Variants in KLHL1 observed in about 807,000 individuals in gnomAD.
KLHL1 encodes kelch-like protein 1.
Under a neutral mutation model 77.7 loss-of-function variants are expected in KLHL1, and 47 were observed. The ratio of observed to expected loss-of-function variants is 0.60; its 90% confidence interval spans 0.48 to 0.77. KLHL1 has a LOEUF of 0.77. KLHL1 is among the 30% of genes least tolerant of loss of function. The pLI, the probability that KLHL1 is intolerant of heterozygous loss-of-function variation, is 0.00. For missense variants in KLHL1, 925 were observed against 910.8 expected, an observed-to-expected ratio of 1.02 and a Z score of -0.20; for synonymous variants, 360 against 325.2, an observed-to-expected ratio of 1.11 and a Z score of -1.15.
intron 1 of KLHL1, among the ~76,000 whole-genome samples, chr13:69,994,318 G>T (rs1348036926): frequency 6.6e-6 from 1 of 152,072 alleles, no homozygotes; most frequent in East Asian, 1.9e-4. Flanking sequence ...ACAAAGCCAA[G>T]AAACTTGAAC....
intron 7 of KLHL1, among the ~76,000 whole-genome samples, chr13:69,782,308 G>A (rs535347021): frequency 6.6e-6 from 1 of 152,344 alleles, no homozygotes; most frequent in African/African-American, 2.4e-5. Context: ...GTGCCAGACA[G>A]TGGGCGCAGG....
Position 69,882,359 on chromosome 13 carries a change from T to C in KLHL1, c.1151A>G (p.Lys384Arg). ...ATTGCATCTACTCTGCATGTCATAC[T>C]TGACCCACATCATCAATGCATGGAA... Reference protein sequence around the residue: ...TIFHALMMWVKYDMQSRCNDL... With the variant: ...TIFHALMMWVRYDMQSRCNDL... The change falls in exon 5 of 11, where the codon AAG becomes AGG. Residue 384 changes from lysine (K) to arginine (R), a missense_variant. Coordinates refer to ENST00000377844, the MANE Select transcript of KLHL1 (RefSeq NM_020866.3). The C allele has an allele frequency of 6.2e-7, 1 of 1,614,008 alleles. No individual in the cohort carries two copies. The highest frequency in any genetic ancestry group is 8.5e-7 in the Non-Finnish European group (1 of 1,179,886).
chr13:70,051,325 T>C (rs1886624451), intron 1 of KLHL1, among the ~76,000 whole-genome samples: 2 of 152,180 alleles, frequency 1.3e-5, no homozygotes, highest in South Asian at 2.1e-4. Context: ...TCTTTGCACA[T>C]GAAAATGAAT....
intron 1 of KLHL1, among the ~76,000 whole-genome samples, chr13:70,015,974 A>G (rs1885647200): frequency 6.6e-6 from 1 of 152,188 alleles, no homozygotes; most frequent in Non-Finnish European, 1.5e-5. Flanking sequence ...TTAAGTTTTA[A>G]ATTATTTTAT....
intron 10 of KLHL1, among the ~76,000 whole-genome samples, chr13:69,702,813 A>C (rs1875456339): frequency 6.6e-6 from 1 of 151,706 alleles, no homozygotes; most frequent in African/African-American, 2.4e-5. Context: ...TATTGCATAA[A>C]ATGAGAGTAG....
chr13:70,047,680 G>T (rs1366241867), intron 1 of KLHL1, among the ~76,000 whole-genome samples: 1 of 151,858 alleles, frequency 6.6e-6, no homozygotes, highest in African/African-American at 2.4e-5. Context: ...CTTTAAACTC[G>T]CAGCTAAATA....
chr13:69,778,755 T>G (rs1459358117), intron 7 of KLHL1, among the ~76,000 whole-genome samples: 1 of 151,826 alleles, frequency 6.6e-6, no homozygotes, highest in Non-Finnish European at 1.5e-5. Flanking sequence ...AGTGTTTATA[T>G]CTACTGTATA....
Position 70,107,478 on chromosome 13 carries a change from G to A in KLHL1, c.222C>T (p.Ser74=). 1 of 1,614,032 alleles carries A rather than the reference G, an allele frequency of 6.2e-7. No individual in the cohort carries two copies. Among genetic ancestry groups the A allele is most frequent in the Admixed American group, 1.7e-5 (1 of 60,000 alleles). ...ACGGGGAGGACGATGAAGAGGAAGA[G>A]GAGGAAGGCTTCTTCCAGAAAGTGC... ...GVSTFWKKPS[S]SSSSSSSPSS... The change falls in exon 1 of 11, where the codon TCC becomes TCT. Residue 74 remains serine (S), a synonymous_variant. Transcript: ENST00000377844.
intron 1 of KLHL1, among the ~76,000 whole-genome samples, chr13:70,015,987 A>G (rs955986445): frequency 6.6e-5 from 10 of 152,250 alleles, no homozygotes; most frequent in African/African-American, 2.2e-4. Flanking sequence ...TATTTTATTT[A>G]GAGATCAAGA....
At chr13:69,790,075 G>A (rs888830296) in intron 7 of KLHL1, among the ~76,000 whole-genome samples, 3 of 151,280 alleles carry the variant, frequency 2.0e-5, no homozygotes, top group African/African-American at 7.3e-5. Context: ...GACACATTTG[G>A]TCAATTTTCT....
intron 6 of KLHL1, among the ~76,000 whole-genome samples, chr13:69,834,552 A>G (rs1414182191): frequency 6.6e-6 from 1 of 152,160 alleles, no homozygotes; most frequent in Non-Finnish European, 1.5e-5. Context: ...AAGTGAATTT[A>G]TAATTCATAA....
At chr13:69,863,821 A>C (rs983018183) in intron 5 of KLHL1, among the ~76,000 whole-genome samples, 4 of 152,052 alleles carry the variant, frequency 2.6e-5, no homozygotes, top group Non-Finnish European at 5.9e-5. Flanking sequence ...ATTTCAACTT[A>C]ACTGTCAGTA....
At chr13:69,985,198 G>A (rs902091012) in intron 1 of KLHL1, among the ~76,000 whole-genome samples, 2 of 151,990 alleles carry the variant, frequency 1.3e-5, no homozygotes, top group Non-Finnish European at 2.9e-5. Context: ...CTTACCGTGT[G>A]GGAGAAAATA....
chr13:70,101,685 T>C (rs1046643317), intron 1 of KLHL1, among the ~76,000 whole-genome samples: 3 of 152,114 alleles, frequency 2.0e-5, no homozygotes, highest in African/African-American at 7.2e-5. Context: ...CACCTTGGCC[T>C]CCCAAAGTGC....
At chr13:69,828,348 T>C (rs1049577295) in intron 6 of KLHL1, among the ~76,000 whole-genome samples, 3 of 149,924 alleles carry the variant, frequency 2.0e-5, no homozygotes, top group Admixed American at 6.6e-5. Flanking sequence ...AAGTGAAATA[T>C]AAAAATAGAA....
chr13:70,048,113 C>A (rs1184550470), intron 1 of KLHL1, among the ~76,000 whole-genome samples: 2 of 152,150 alleles, frequency 1.3e-5, no homozygotes, highest in Non-Finnish European at 2.9e-5. Flanking sequence ...GAAGGAAAAT[C>A]TTAAAAAATG....
At position 70,107,468 on chromosome 13, in the gene KLHL1, A is replaced by G. The variant is rs540243380; in HGVS notation, c.232T>C (p.Ser78Pro). Residue 78 changes from serine to proline, a missense_variant, in exon 1 of 11, where the codon TCA becomes CCA. Ser to Pro is a moderately conservative substitution (Grantham distance 74, BLOSUM62 -1). Coordinates refer to ENST00000377844, the MANE Select transcript of KLHL1 (RefSeq NM_020866.3). ...GAGGAAGAGGACGGGGAGGACGATG[A>G]AGAGGAAGAGGAGGAAGGCTTCTTC... ...FWKKPSSSSS[S>P]SSSPSSSSSS... 5.0e-5 allele frequency: 80 copies of G among 1,614,072 alleles called. No homozygotes were observed. The Admixed American group carries it at 7.0e-4, about 14-fold the overall frequency.
At position 69,779,273 on chromosome 13, in the gene KLHL1, T is replaced by TAA. The variant is rs533978812; in HGVS notation, c.1639+17463_1639+17464dup. Among the ~76,000 whole-genome samples the TAA allele has an allele frequency of 1.1e-3, 171 of 152,272 alleles. 1 individual carries two copies. The highest frequency in any genetic ancestry group is 3.8e-3 in the African/African-American group (159 of 41,562). On this transcript the variant is annotated intron_variant, in intron 7 of 10. Transcript: ENST00000377844. The stretch of plus-strand genomic sequence containing the variant: ...ACCAAGTATATAATGAGGGTTTTCC[T>TAA]AAGTTTTACAATTTATAAATCAGAG...
intron 1 of KLHL1, among the ~76,000 whole-genome samples, chr13:70,050,839 T>C (rs991210887): frequency 7.9e-5 from 12 of 152,046 alleles, no homozygotes; most frequent in African/African-American, 2.9e-4. Flanking sequence ...TTTACCATTT[T>C]GTAAGTGTTT....
Sources: allele counts gnomAD v4.1 joint callset (sites outside exome capture counted in the v4.1 genomes callset), GRCh38; gene constraint gnomAD v4.1.1; transcripts MANE v1.5; gene names NCBI Gene and HGNC (gene_info 2026-07-23, HGNC 2026-07-21).